Variants in HOOK3 observed in about 807,000 individuals in gnomAD.
The protein encoded by HOOK3 is hook microtubule tethering protein 3, also known as protein Hook homolog 3.
HOOK3 carries 24 observed loss-of-function variants against 116.3 expected under a neutral mutation model. The observed-to-expected ratio is 0.21, with a 90% CI of 0.15 to 0.29. The LOEUF (loss-of-function observed/expected upper bound fraction) is 0.29, where lower values mean the gene tolerates loss of function less well. Among genes scored for constraint, HOOK3 ranks in the 10% least tolerant of loss-of-function variants. HOOK3 has a pLI of 1.00. For missense variants in HOOK3, 632 were observed against 830.2 expected, an observed-to-expected ratio of 0.76 and a Z score of 2.93; for synonymous variants, 275 against 283.0, an observed-to-expected ratio of 0.97 and a Z score of 0.28.
At chr8:42,971,369 C>T (rs1234956119) in intron 11 of HOOK3, among the ~76,000 whole-genome samples, 1 of 151,942 alleles carries the variant, frequency 6.6e-6, no homozygotes, top group Non-Finnish European at 1.5e-5. Context: ...CAGGTTCAAG[C>T]GATTCTCCTG....
At chr8:42,977,103 C>T (rs922144202) in intron 13 of HOOK3, among the ~76,000 whole-genome samples, 1 of 152,190 alleles carries the variant, frequency 6.6e-6, no homozygotes, top group Non-Finnish European at 1.5e-5. Context: ...TTCATTTCCT[C>T]ACTTTGCATG....
At chr8:43,015,795 T>C (rs1407592100) in intron 21 of HOOK3, among the ~76,000 whole-genome samples, 2 of 151,828 alleles carry the variant, frequency 1.3e-5, no homozygotes, top group African/African-American at 4.8e-5. Flanking sequence ...CTTGGCTCAC[T>C]GCAACCTCCG....
At chr8:42,941,374 T>G (rs1808119260) in intron 4 of HOOK3, among the ~76,000 whole-genome samples, 1 of 149,980 alleles carries the variant, frequency 6.7e-6, no homozygotes, top group African/African-American at 2.4e-5. Context: ...AAAAATTAGG[T>G]GGGTGTGGTG....
At chr8:43,014,307 A>AG (rs1158377346) in intron 21 of HOOK3, among the ~76,000 whole-genome samples, 8 of 147,644 alleles carry the variant, frequency 5.4e-5, no homozygotes, top group Non-Finnish European at 1.2e-4. Flanking sequence ...AAAAAAAAAA[A>AG]GTTGTCCAAG....
chr8:42,910,318 C>A (rs57517259), intron 2 of HOOK3, among the ~76,000 whole-genome samples: 12 of 152,022 alleles, frequency 7.9e-5, no homozygotes, highest in African/African-American at 2.9e-4. Flanking sequence ...CTTATTGATA[C>A]TTAGTTTTCA....
Position 43,019,074 on chromosome 8 carries a change from AT to A in HOOK3, c.*579del, listed in dbSNP as rs1809772025. 4.8e-6 allele frequency: 1 copy of A among 207,370 alleles called. No individual in the cohort carries two copies. Among genetic ancestry groups the A allele is most frequent in the African/African-American group, 2.3e-5 (1 of 44,040 alleles). The allele number at this position is 207,370 out of a possible 1,614,324, so 12.8% of individuals were successfully genotyped here. On this transcript the variant is annotated 3_prime_UTR_variant, in exon 22 of 22. Coordinates refer to ENST00000307602, the MANE Select transcript of HOOK3 (RefSeq NM_032410.4). Reference sequence around the variant, plus strand: ...CTTCCCTAAGGCACCTGGAAGAATTATTTGAGGAAAAAATGAGTTTTCACAT... The same window carrying A: ...CTTCCCTAAGGCACCTGGAAGAATTATTGAGGAAAAAATGAGTTTTCACAT...
At chr8:43,003,424 C>T (rs777321259) in intron 17 of HOOK3, among the ~76,000 whole-genome samples, 1 of 152,088 alleles carries the variant, frequency 6.6e-6, no homozygotes, top group Non-Finnish European at 1.5e-5. Context: ...GAGTTTAGTA[C>T]TGAATTCTGT....
Position 43,018,761 on chromosome 8 carries a change from C to CT in HOOK3, c.*267dup. 2 of 331,724 alleles carry CT rather than the reference C, an allele frequency of 6.0e-6. No individual in the cohort carries two copies. The highest frequency in any genetic ancestry group is 1.1e-5 in the Non-Finnish European group (2 of 183,162). The allele number at this position is 331,724 out of a possible 1,614,324, so 20.5% of individuals were successfully genotyped here. A position where few individuals can be genotyped will look rare whatever the true frequency, so the allele number is the denominator to read the frequency against. ...AAAAATGTTGTATAATAGTGTAATA[C>CT]TTTTCTTTGTATGAAAATGTCCTCT... On this transcript the variant is annotated 3_prime_UTR_variant, in exon 22 of 22. Coordinates refer to ENST00000307602, the MANE Select transcript of HOOK3 (RefSeq NM_032410.4).
At chr8:42,900,049 T>C (rs1563286173) in intron 1 of HOOK3, among the ~76,000 whole-genome samples, 1 of 152,214 alleles carries the variant, frequency 6.6e-6, no homozygotes, top group East Asian at 1.9e-4. Context: ...ATGGAACGTC[T>C]CATTGCCTCA....
intron 15 of HOOK3, among the ~76,000 whole-genome samples, chr8:42,992,227 C>T (rs1368842847): frequency 3.3e-5 from 5 of 149,798 alleles, no homozygotes; most frequent in Admixed American, 6.7e-5. Context: ...GGTGAAACCC[C>T]GTCTCTGCTA....
chr8:42,912,083 A>G (rs1807440776), intron 2 of HOOK3, among the ~76,000 whole-genome samples: 1 of 152,314 alleles, frequency 6.6e-6, no homozygotes, highest in East Asian at 1.9e-4. Flanking sequence ...ATTGTTGGGT[A>G]GAGGAGCAAC....
chr8:42,969,967 T>A (rs77673710), intron 11 of HOOK3, among the ~76,000 whole-genome samples: 1 of 152,346 alleles, frequency 6.6e-6, no homozygotes, highest in Non-Finnish European at 1.5e-5. Context: ...TAAAGTACTT[T>A]TATGATTTGT....
Position 43,028,953 on chromosome 8 carries a change from A to C in HOOK3, c.*10455A>C, listed in dbSNP as rs1246753659. 1 of 201,254 alleles carries C rather than the reference A, an allele frequency of 5.0e-6. No homozygotes were observed. The highest frequency in any genetic ancestry group is 2.3e-5 in the African/African-American group (1 of 43,562). 12.5% of individuals were successfully genotyped at this position (201,254 alleles called of 1,614,324 possible). A position where few individuals can be genotyped will look rare whatever the true frequency, so the allele number is the denominator to read the frequency against. On this transcript the variant is annotated 3_prime_UTR_variant, in exon 22 of 22. Transcript: ENST00000307602. ...ATTGTAGTTCAAGTACAGATGAGTA[A>C]GTGGTGTGACTTCAGTTTATTATCT...
intron 2 of HOOK3, among the ~76,000 whole-genome samples, 176 bp downstream of exon 2, chr8:42,906,434 A>G (rs1042899713): frequency 2.6e-5 from 4 of 152,206 alleles, no homozygotes; most frequent in African/African-American, 9.6e-5. Flanking sequence ...TGCAAGTTTA[A>G]TAAGGGCTGT....
intron 16 of HOOK3, among the ~76,000 whole-genome samples, chr8:42,999,593 C>T (rs534234990): frequency 6.6e-6 from 1 of 152,332 alleles, no homozygotes; most frequent in African/African-American, 2.4e-5. Context: ...AAGTGGTCCC[C>T]TCTGGAGAAG....
chr8:42,925,103 G>A (rs1807738279), intron 2 of HOOK3, among the ~76,000 whole-genome samples: 1 of 151,756 alleles, frequency 6.6e-6, no homozygotes, highest in South Asian at 2.1e-4. Context: ...TCGGTTTTTT[G>A]TTTGTTTGTT....
At chr8:42,939,927 C>T (rs1450067196) in intron 4 of HOOK3, among the ~76,000 whole-genome samples, 6 of 151,482 alleles carry the variant, frequency 4.0e-5, no homozygotes, top group African/African-American at 9.7e-5. Flanking sequence ...GATGGGATGG[C>T]GGCCGGGAAG....
At chr8:42,972,541 A>T (rs1289222539) in intron 11 of HOOK3, among the ~76,000 whole-genome samples, 1 of 152,090 alleles carries the variant, frequency 6.6e-6, no homozygotes, top group Non-Finnish European at 1.5e-5. Flanking sequence ...CCTCCTGAGG[A>T]ACTATGACAT....
intron 3 of HOOK3, among the ~76,000 whole-genome samples, chr8:42,927,462 G>A (rs892418150): frequency 2.0e-5 from 3 of 151,974 alleles, no homozygotes; most frequent in African/African-American, 7.3e-5. Flanking sequence ...CGTCATGTTG[G>A]CTAGGCTGGT....
Sources: gnomAD v4.1 joint callset for allele counts (sites outside exome capture counted in the v4.1 genomes callset) on GRCh38, gnomAD v4.1.1 for gene constraint, MANE v1.5 for transcripts, NCBI Gene and HGNC (gene_info 2026-07-23, HGNC 2026-07-21) for gene names.